SYNPO2: variants seen among roughly 807,000 people sequenced by gnomAD.
SYNPO2 encodes the protein synaptopodin-2.
SYNPO2 carries 56 observed loss-of-function variants against 85.0 expected under a neutral mutation model. The observed-to-expected ratio is 0.66, with a 90% CI of 0.53 to 0.82. SYNPO2 has a LOEUF of 0.82. SYNPO2 is among the 40% of genes least tolerant of loss of function. The probability of loss-of-function intolerance (pLI) is 0.00; values close to 1 mark genes in which losing one functional copy is unlikely to be tolerated. For synonymous variants in SYNPO2, 602 were observed against 591.1 expected (o/e 1.02, Z -0.27); for missense variants, 1,575 against 1,534.2 (o/e 1.03, Z -0.44).
intron 1 of SYNPO2, among the ~76,000 whole-genome samples, chr4:118,996,311 G>A (rs1388953169): frequency 2.0e-5 from 3 of 152,114 alleles, no homozygotes; most frequent in African/African-American, 7.2e-5. Context: ...CTCTAGAAAG[G>A]TTTCCCAAAA....
chr4:119,003,659 G>A (rs764585885), intron 1 of SYNPO2, among the ~76,000 whole-genome samples: 2 of 152,104 alleles, frequency 1.3e-5, no homozygotes, highest in South Asian at 2.1e-4. Flanking sequence ...TCCCCTCCCA[G>A]TATAGTCTCT....
At chr4:119,053,472 A>C (rs1197287978) in intron 4 of SYNPO2, among the ~76,000 whole-genome samples, 2 of 152,226 alleles carry the variant, frequency 1.3e-5, no homozygotes, top group African/African-American at 4.8e-5. Flanking sequence ...CATTTTGCTC[A>C]TTGAGCTGGT....
chr4:118,921,123 T>G (rs1578551752), intron 1 of SYNPO2, among the ~76,000 whole-genome samples: 2 of 152,078 alleles, frequency 1.3e-5, no homozygotes, highest in Admixed American at 1.3e-4. Context: ...TCCAGGCTGG[T>G]CTTGAACTCC....
At chr4:119,012,916 A>C (rs536178241) in intron 1 of SYNPO2, among the ~76,000 whole-genome samples, 3 of 151,930 alleles carry the variant, frequency 2.0e-5, no homozygotes, top group African/African-American at 7.3e-5. Flanking sequence ...CCTTACTTCT[A>C]CTTGCTTTTG....
intron 1 of SYNPO2, among the ~76,000 whole-genome samples, chr4:119,022,549 T>C (rs1737767510): frequency 8.2e-6 from 1 of 122,306 alleles, no homozygotes; most frequent in Non-Finnish European, 1.7e-5. Context: ...AGAGACAGGG[T>C]CTTACCATAT....
intron 4 of SYNPO2, chr4:119,038,109 A>C (rs1276661377): frequency 2.0e-6 from 2 of 982,182 alleles, no homozygotes; most frequent in African/African-American, 3.5e-5. Context: ...CTGGCATCCA[A>C]ACCTGTGCTC....
intron 1 of SYNPO2, among the ~76,000 whole-genome samples, chr4:118,983,050 T>C (rs1736089907): frequency 7.0e-6 from 1 of 142,446 alleles, no homozygotes; most frequent in Non-Finnish European, 1.6e-5. Context: ...CAAATTGCTT[T>C]CTGTATTTTT....
rs752585023 is a variant in SYNPO2 at position 118,889,054 on chromosome 4, T to A, written c.18T>A (p.Phe6Leu). MGTGD[F>L]ICISMTGGAP... The stretch of plus-strand genomic sequence containing the variant: ...AGGAAAACATGGGCACAGGGGATTT[T>A]ATCTGCATTTCCATGACTGGAGGGG... The change falls in exon 1 of 5, where the codon TTT (phenylalanine) becomes TTA (leucine). Residue 6 changes from phenylalanine to leucine, a missense_variant. Transcript: ENST00000307142. 4 of 1,614,212 alleles carry A rather than the reference T, an allele frequency of 2.5e-6. No homozygotes were observed. The highest frequency in any genetic ancestry group is 1.1e-5 in the South Asian group (1 of 91,082).
intron 1 of SYNPO2, among the ~76,000 whole-genome samples, chr4:118,948,276 T>C (rs1734572541): frequency 6.6e-6 from 1 of 152,176 alleles, no homozygotes; most frequent in Non-Finnish European, 1.5e-5. Flanking sequence ...AGGGTAAAAC[T>C]CAGCAGTAGG....
At chr4:118,907,055 T>C (rs769509869) in intron 1 of SYNPO2, among the ~76,000 whole-genome samples, 2 of 152,098 alleles carry the variant, frequency 1.3e-5, no homozygotes, top group Non-Finnish European at 2.9e-5. Context: ...TTTCAAGCTA[T>C]TCTCCCACCT....
At chr4:119,046,943 A>C (rs1279589994) in intron 4 of SYNPO2, among the ~76,000 whole-genome samples, 1 of 152,222 alleles carries the variant, frequency 6.6e-6, no homozygotes, top group East Asian at 1.9e-4. Flanking sequence ...TTTAATCTAA[A>C]AGTTAATCTA....
intron 1 of SYNPO2, among the ~76,000 whole-genome samples, chr4:118,870,481 A>C (rs1205317525): frequency 6.6e-6 from 1 of 152,234 alleles, no homozygotes; most frequent in African/African-American, 2.4e-5. Flanking sequence ...TATTGTGAGT[A>C]GTGCTGCAAT....
intron 4 of SYNPO2, among the ~76,000 whole-genome samples, chr4:119,045,918 T>C (rs1330641683): frequency 6.6e-6 from 1 of 152,178 alleles, no homozygotes; most frequent in Non-Finnish European, 1.5e-5. Flanking sequence ...ATAGTAGTTT[T>C]TTCTGTTAAC....
chr4:119,035,377 T>C (rs1377925427), intron 4 of SYNPO2: 10 of 985,424 alleles, frequency 1.0e-5, no homozygotes, highest in Non-Finnish European at 1.1e-5. Flanking sequence ...ACTGGTAAGA[T>C]TGGGAATCTG....
chr4:118,938,123 G>A (rs918911060), intron 1 of SYNPO2, among the ~76,000 whole-genome samples: 4 of 152,090 alleles, frequency 2.6e-5, no homozygotes, highest in Admixed American at 6.6e-5. Flanking sequence ...CCAACACGGC[G>A]AAACCTCATC....
intron 1 of SYNPO2, among the ~76,000 whole-genome samples, chr4:118,877,257 C>T (rs983820929): frequency 8.5e-5 from 13 of 152,080 alleles, no homozygotes; most frequent in Non-Finnish European, 1.9e-4. Flanking sequence ...ACTATAAAAA[C>T]CCTGGAAGAT....
intron 1 of SYNPO2, among the ~76,000 whole-genome samples, chr4:118,897,152 G>C (rs952424796): frequency 4.6e-5 from 7 of 152,236 alleles, no homozygotes; most frequent in Non-Finnish European, 8.8e-5. Flanking sequence ...AAAGTGAAGG[G>C]GAAGCAAGGC....
chr4:119,051,474 A>T (rs940371784), intron 4 of SYNPO2, among the ~76,000 whole-genome samples: 1 of 151,862 alleles, frequency 6.6e-6, no homozygotes, highest in African/African-American at 2.4e-5. Flanking sequence ...TACAGGCGTG[A>T]GCCACCGCGC....
intron 1 of SYNPO2, among the ~76,000 whole-genome samples, chr4:119,018,927 A>G (rs1005404113): frequency 6.6e-6 from 1 of 152,174 alleles, no homozygotes; most frequent in Non-Finnish European, 1.5e-5. Context: ...ATGTATAACT[A>G]TTATGTATCC....
Sources: allele counts gnomAD v4.1 joint callset (sites outside exome capture counted in the v4.1 genomes callset), GRCh38; gene constraint gnomAD v4.1.1; transcripts MANE v1.5; gene names NCBI Gene and HGNC (gene_info 2026-07-23, HGNC 2026-07-21).